The following FER variants were observed in gnomAD, a reference collection of about 807,000 sequenced individuals.
FER encodes the protein FER tyrosine kinase, also known as tyrosine-protein kinase Fer.
FER carries 63 observed loss-of-function variants against 111.0 expected under a neutral mutation model. The ratio of observed to expected loss-of-function variants is 0.57; its 90% CI spans 0.46 to 0.70. FER has a LOEUF of 0.70. FER is among the 30% of genes least tolerant of loss of function. FER has a pLI of 0.00. For missense variants in FER, 914 were observed against 954.0 expected, an observed-to-expected ratio of 0.96 and a Z score of 0.55; for synonymous variants, 327 against 313.9, an observed-to-expected ratio of 1.04 and a Z score of -0.44.
At chr5:108,864,452 A>G (rs983992106) in intron 5 of FER, among the ~76,000 whole-genome samples, 3 of 152,132 alleles carry the variant, frequency 2.0e-5, no homozygotes, top group Admixed American at 6.5e-5. Flanking sequence ...GCTCTGGGGT[A>G]CTGAGATTCT....
intron 5 of FER, among the ~76,000 whole-genome samples, chr5:108,862,024 C>T (rs1007783833): frequency 6.6e-6 from 1 of 152,062 alleles, no homozygotes; most frequent in Admixed American, 6.6e-5. Flanking sequence ...GCCTTATAAC[C>T]AAATGTAGAA....
rs572579246 is a variant in FER at position 109,108,725 on chromosome 5, T to C, written c.2048+8206T>C. 2.0e-5 allele frequency among the ~76,000 whole-genome samples: 3 copies of C among 152,272 alleles called. No homozygotes were observed. In the East Asian group the frequency reaches 5.8e-4, roughly 29 times the overall value. ...CCTGATTTATGATAAAGTAACTCAC[T>C]TTTTCTAGTTAGTCTTGATCAAATT... On this transcript the variant is annotated intron_variant, in intron 17 of 19. Coordinates refer to ENST00000281092, the MANE Select transcript of FER (RefSeq NM_005246.4).
chr5:108,937,096 T>A (rs1353892259), intron 10 of FER, among the ~76,000 whole-genome samples: 1 of 152,048 alleles, frequency 6.6e-6, no homozygotes, highest in Non-Finnish European at 1.5e-5. Context: ...TCCCTTTTAT[T>A]TACTATTTAA....
At chr5:108,976,669 ACTGT>A (rs1459093286) in intron 13 of FER, among the ~76,000 whole-genome samples, 52 of 152,330 alleles carry the variant, frequency 3.4e-4, no homozygotes, top group African/African-American at 1.2e-3. Context: ...ATATGTCTAT[ACTGT>A]ATTCTTACAA....
Position 109,052,645 on chromosome 5 carries a change from C to G in FER, c.1924+5447C>G, listed in dbSNP as rs180755445. On this transcript the variant is annotated intron_variant, in intron 16 of 19. Transcript: ENST00000281092. ...CCCAATGAAAGAAAAGTGCTGATAC[C>G]TCGTAAAAGCTGCTACTCTCTACTT... Among the ~76,000 whole-genome samples the G allele has an allele frequency of 1.1e-3, 168 of 152,270 alleles. 2 individuals are homozygous for G. The East Asian group carries it at 0.021, about 19-fold the overall frequency.
chr5:108,992,784 G>T (rs1385949157), intron 13 of FER, among the ~76,000 whole-genome samples: 1 of 151,574 alleles, frequency 6.6e-6, no homozygotes, highest in Non-Finnish European at 1.5e-5. Context: ...TTCTCAGACG[G>T]GGCGGTTGCC....
chr5:109,096,002 A>G (rs372287201), intron 16 of FER, among the ~76,000 whole-genome samples: 4 of 152,108 alleles, frequency 2.6e-5, no homozygotes, highest in Non-Finnish European at 5.9e-5. Flanking sequence ...CCTATGATTC[A>G]ATGACAAGAA....
intron 10 of FER, among the ~76,000 whole-genome samples, chr5:108,907,996 G>C (rs929621760): frequency 6.6e-6 from 1 of 152,020 alleles, no homozygotes; most frequent in African/African-American, 2.4e-5. Context: ...ATGCAGAAAA[G>C]GTTAAATGTA....
chr5:109,003,591 A>G (rs1021938239), intron 13 of FER, among the ~76,000 whole-genome samples: 13 of 152,176 alleles, frequency 8.5e-5, no homozygotes, highest in African/African-American at 3.1e-4. Flanking sequence ...CGTAGTGCAC[A>G]TGTATCCTAA....
At position 109,043,418 on chromosome 5, in the gene FER, ATGAT is replaced by A. The variant is rs1198950908; in HGVS notation, c.1714-1257_1714-1254del. Among the ~76,000 whole-genome samples, 9 of 152,358 alleles carry A rather than the reference ATGAT, an allele frequency of 5.9e-5. No homozygotes were observed. The East Asian group carries it at 1.2e-3, about 20-fold the overall frequency. On this transcript the variant is annotated intron_variant, in intron 14 of 19. Coordinates refer to ENST00000281092, the MANE Select transcript of FER (RefSeq NM_005246.4). Reference sequence around the variant, plus strand: ...GTTTAAGTATATTTTTTATGAAAACATGATTGATCATTGTTTTATAAATATTTGA... The same window carrying A: ...GTTTAAGTATATTTTTTATGAAAACATGATCATTGTTTTATAAATATTTGA...
chr5:108,908,966 G>T (rs947931385), intron 10 of FER, among the ~76,000 whole-genome samples: 5 of 152,210 alleles, frequency 3.3e-5, no homozygotes, highest in Admixed American at 6.5e-5. Context: ...AGGAGGCAGA[G>T]GTTGCAGTGA....
intron 10 of FER, among the ~76,000 whole-genome samples, chr5:108,902,840 C>T (rs1341524100): frequency 1.3e-5 from 2 of 152,004 alleles, no homozygotes; most frequent in African/African-American, 4.8e-5. Flanking sequence ...TCTGTTGACT[C>T]ACAGTGATGA....
At chr5:109,187,302 G>C in intron 19 of FER, 131 bp from the exon 20 acceptor site, 1 of 901,038 alleles carries the variant, frequency 1.1e-6, no homozygotes, top group Non-Finnish European at 1.7e-6. Context: ...AGCCTCCCCA[G>C]AAATGGATGT....
rs747853453 is a variant in FER at position 108,897,713 on chromosome 5, C to G, written c.1101C>G (p.Val367=). Residue 367 remains valine, a synonymous_variant, in exon 10 of 20, where the codon GTC becomes GTG. Coordinates refer to ENST00000281092, the MANE Select transcript of FER (RefSeq NM_005246.4). ...KQALEELKQS[V]QQLRCTEAKF... ...CACTTGAAGAACTGAAACAGTCAGTCCAGCAGCTGAGATGCACTGAAGCAA... is the reference window on the plus strand; with the variant it reads ...CACTTGAAGAACTGAAACAGTCAGTGCAGCAGCTGAGATGCACTGAAGCAA... The G allele has an allele frequency of 6.2e-7, 1 of 1,612,972 alleles. No individual in the cohort carries two copies. The highest frequency in any genetic ancestry group is 2.2e-5 in the East Asian group (1 of 44,758).
Position 108,879,701 on chromosome 5 carries a change from A to AAAAATAT in FER, c.924-3694_924-3693insAAATATA. ...ATGTATTTTTTTTAGATTAAAAAAA[A>AAAAATAT]ATATATATATATATATATATATATT... On this transcript the variant is annotated intron_variant, in intron 8 of 19. Transcript: ENST00000281092. Among the ~76,000 whole-genome samples the AAAAATAT allele has an allele frequency of 1.8e-4, 18 of 99,096 alleles. No homozygotes were observed. The East Asian group carries it at 2.4e-3, about 13-fold the overall frequency. The allele number at this position is 99,096 out of a possible 152,430, so 65.0% of individuals were successfully genotyped here. A position where few individuals can be genotyped will look rare whatever the true frequency, so the allele number is the denominator to read the frequency against.
intron 13 of FER, among the ~76,000 whole-genome samples, chr5:108,973,348 C>G (rs537603866): frequency 2.0e-5 from 3 of 152,120 alleles, no homozygotes; most frequent in African/African-American, 7.2e-5. Context: ...AGTTTGCATG[C>G]TAAGAATTTT....
At position 108,946,172 on chromosome 5, in the gene FER, T is replaced by G; in HGVS notation, c.1279T>G (p.Ser427Ala). 2 of 1,612,478 alleles carry G rather than the reference T, an allele frequency of 1.2e-6. No homozygotes were observed. The highest frequency in any genetic ancestry group is 1.7e-6 in the Non-Finnish European group (2 of 1,178,978). Residue 427 changes from serine (S) to alanine (A), a missense_variant, in exon 11 of 20, where the codon TCA (serine) becomes GCA (alanine). By Grantham distance (99) the Ser-to-Ala change is moderately conservative. Transcript: ENST00000281092. ...RLSKFESIRHSIAGIIRSPKS... is the reference protein window; with the variant it reads ...RLSKFESIRHAIAGIIRSPKS... ...ATCCAAATTTGAATCTATTCGTCAT[T>G]CAATTGCTGGAATAATTAGGTCTCC...
intron 1 of FER, among the ~76,000 whole-genome samples, chr5:108,750,557 G>C (rs2149898153): frequency 6.6e-6 from 1 of 152,282 alleles, no homozygotes; most frequent in Middle Eastern, 3.4e-3. Flanking sequence ...ATTGATTGTT[G>C]ACAGCATTAA....
At chr5:109,040,409 C>T (rs1374357865) in intron 14 of FER, among the ~76,000 whole-genome samples, 3 of 151,974 alleles carry the variant, frequency 2.0e-5, no homozygotes, top group Non-Finnish European at 2.9e-5. Context: ...AAGTAGGAGG[C>T]AGAAAACCAG....
Sources: allele counts gnomAD v4.1 joint callset (sites outside exome capture counted in the v4.1 genomes callset), GRCh38; gene constraint gnomAD v4.1.1; transcripts MANE v1.5; gene names NCBI Gene and HGNC (gene_info 2026-07-23, HGNC 2026-07-21).